BNC2: variants seen among roughly 807,000 people sequenced by gnomAD.
BNC2 encodes basonuclin zinc finger protein 2.
In BNC2, 20 loss-of-function variants were observed where a neutral mutation model predicts 76.3. The ratio of observed to expected loss-of-function variants is 0.26; its 90% confidence interval spans 0.18 to 0.38. The LOEUF (loss-of-function observed/expected upper bound fraction) is 0.38. BNC2 is among the 10% of genes least tolerant of loss of function. The pLI is 1.00. For synonymous variants in BNC2, 582 were observed against 514.8 expected (o/e 1.13, Z -1.77); for missense variants, 1,382 against 1,399.8 (o/e 0.99, Z 0.20).
chr9:16,539,750 GAAGGAAAGGAAAGGAAAAGA>G (rs1563830949), intron 5 of BNC2, among the ~76,000 whole-genome samples: 7 of 84,852 alleles, frequency 8.2e-5, no homozygotes, highest in South Asian at 5.7e-4. Flanking sequence ...GAAGGGAAGG[GAAGGAAAGGAAAGGAAAAGA>G]AAGGAAAGGA....
chr9:16,537,576 C>G (rs975438735), intron 5 of BNC2, among the ~76,000 whole-genome samples: 1 of 152,104 alleles, frequency 6.6e-6, no homozygotes, highest in African/African-American at 2.4e-5. Context: ...TTAAATTCTA[C>G]CATCTTGACT....
intron 5 of BNC2, among the ~76,000 whole-genome samples, chr9:16,539,111 T>C (rs879412477): frequency 4.6e-5 from 7 of 152,148 alleles, no homozygotes; most frequent in Admixed American, 3.3e-4. Flanking sequence ...CAGAGGGGCA[T>C]GTTGTCTGTC....
chr9:16,525,260 A>C (rs1016995499), intron 5 of BNC2, among the ~76,000 whole-genome samples: 27 of 152,348 alleles, frequency 1.8e-4, no homozygotes, highest in Middle Eastern at 3.4e-3. Context: ...AACTTAAAAA[A>C]AGAAAACCAA....
chr9:16,601,896 T>C (rs555498229), intron 3 of BNC2, among the ~76,000 whole-genome samples: 2 of 152,274 alleles, frequency 1.3e-5, no homozygotes, highest in East Asian at 3.9e-4. Flanking sequence ...GTTTAAAAGA[T>C]AATGTTCTGG....
chr9:16,682,167 T>C (rs548906557), intron 3 of BNC2, among the ~76,000 whole-genome samples: 3 of 151,868 alleles, frequency 2.0e-5, no homozygotes, highest in South Asian at 2.1e-4. Context: ...GTTTAGTTCA[T>C]ACTGTTGTTA....
At chr9:16,513,065 G>C (rs987470173) in intron 5 of BNC2, among the ~76,000 whole-genome samples, 3 of 152,030 alleles carry the variant, frequency 2.0e-5, no homozygotes, top group African/African-American at 7.2e-5. Context: ...AACCTGCAGA[G>C]GTTGCAGGGA....
intron 5 of BNC2, among the ~76,000 whole-genome samples, chr9:16,469,922 T>A (rs2131356259): frequency 6.6e-6 from 1 of 152,062 alleles, no homozygotes; most frequent in South Asian, 2.1e-4. Flanking sequence ...GAGAGATGAT[T>A]TAGGGTTATC....
intron 3 of BNC2, among the ~76,000 whole-genome samples, chr9:16,590,683 T>C (rs1219529625): frequency 2.0e-5 from 3 of 152,090 alleles, no homozygotes; most frequent in African/African-American, 7.2e-5. Flanking sequence ...GGCATGCACC[T>C]GTGGTTCTAG....
intron 3 of BNC2, among the ~76,000 whole-genome samples, chr9:16,605,163 A>G (rs536004538): frequency 3.9e-5 from 6 of 152,240 alleles, no homozygotes; most frequent in Non-Finnish European, 8.8e-5. Flanking sequence ...TATCTAATTC[A>G]CCAACAATAA....
At chr9:16,767,182 C>G (rs1020363303) in intron 1 of BNC2, among the ~76,000 whole-genome samples, 1 of 152,202 alleles carries the variant, frequency 6.6e-6, no homozygotes, top group Non-Finnish European at 1.5e-5. Context: ...ATGGTAGACT[C>G]TCTCCATATT....
intron 3 of BNC2, among the ~76,000 whole-genome samples, chr9:16,653,760 G>A (rs1259773631): frequency 2.6e-5 from 4 of 152,142 alleles, no homozygotes; most frequent in African/African-American, 9.7e-5. Context: ...CTCTGTCTCT[G>A]TACAAAGAAA....
chr9:16,858,638 G>A (rs1263230881), intron 1 of BNC2, among the ~76,000 whole-genome samples: 1 of 151,948 alleles, frequency 6.6e-6, no homozygotes, highest in African/African-American at 2.4e-5. Flanking sequence ...AGGTCAGGAG[G>A]ATCAAGACCA....
Position 16,434,757 on chromosome 9 carries a change from T to G in BNC2, c.2639+798A>C, listed in dbSNP as rs1244339715. 6.7e-6 allele frequency: 3 copies of G among 447,726 alleles called. No individual in the cohort carries two copies. The East Asian group carries it at 2.1e-4, about 31-fold the overall frequency. 27.7% of individuals were successfully genotyped at this position (447,726 alleles called of 1,614,324 possible). A position where few individuals can be genotyped will look rare whatever the true frequency, so the allele number is the denominator to read the frequency against. On this transcript the variant is annotated intron_variant, in intron 6 of 6. Coordinates refer to ENST00000380672, the MANE Select transcript of BNC2 (RefSeq NM_017637.6). The stretch of plus-strand genomic sequence containing the variant: ...CAGAGCTGCAACTACATAGCAAGAG[T>G]GTGATGTCATCTGAAGGCTGGACAT...
At chr9:16,767,736 A>G (rs1018966695) in intron 1 of BNC2, among the ~76,000 whole-genome samples, 1 of 152,214 alleles carries the variant, frequency 6.6e-6, no homozygotes, top group Non-Finnish European at 1.5e-5. Context: ...ACAGTATAAT[A>G]GCCCCTCTGT....
chr9:16,471,782 T>G (rs894266325), intron 5 of BNC2, among the ~76,000 whole-genome samples: 1 of 152,122 alleles, frequency 6.6e-6, no homozygotes, highest in African/African-American at 2.4e-5. Flanking sequence ...ATGATATGGT[T>G]TGGCTGTGTC....
intron 1 of BNC2, among the ~76,000 whole-genome samples, chr9:16,745,170 G>C (rs984560700): frequency 2.6e-5 from 4 of 152,298 alleles, no homozygotes; most frequent in African/African-American, 9.6e-5. Context: ...AGTGCAAAAG[G>C]TGTAGCCAAG....
chr9:16,571,844 T>A (rs776427252), intron 4 of BNC2, among the ~76,000 whole-genome samples: 11 of 152,030 alleles, frequency 7.2e-5, no homozygotes, highest in Non-Finnish European at 1.6e-4. Flanking sequence ...GACAAGAACA[T>A]AATAAAATAT....
At chr9:16,696,865 AT>A (rs951394586) in intron 3 of BNC2, among the ~76,000 whole-genome samples, 1 of 152,166 alleles carries the variant, frequency 6.6e-6, no homozygotes, top group African/African-American at 2.4e-5. Flanking sequence ...TGCACAGAGC[AT>A]TTTTTCAAGT....
chr9:16,697,815 T>A (rs1339777081), intron 3 of BNC2, among the ~76,000 whole-genome samples: 4 of 152,102 alleles, frequency 2.6e-5, no homozygotes, highest in Non-Finnish European at 4.4e-5. Flanking sequence ...TAGGAGCTGG[T>A]ATGAGAAGCT....
Sources: allele counts gnomAD v4.1 joint callset (sites outside exome capture counted in the v4.1 genomes callset), GRCh38; gene constraint gnomAD v4.1.1; transcripts MANE v1.5; gene names NCBI Gene and HGNC (gene_info 2026-07-23, HGNC 2026-07-21).